The following TMTC2 variants were observed in gnomAD, a reference collection of about 807,000 sequenced individuals.
TMTC2 encodes transmembrane O-mannosyltransferase targeting cadherins 2.
A neutral mutation model predicts 82.4 loss-of-function variants in TMTC2; 43 were observed. The ratio of observed to expected loss-of-function variants is 0.52; its 90% CI spans 0.41 to 0.67. The LOEUF (loss-of-function observed/expected upper bound fraction) is 0.67. Among genes scored for constraint, TMTC2 ranks in the 30% least tolerant of loss-of-function variants. The pLI, the probability that TMTC2 is intolerant of heterozygous loss-of-function variation, is 0.00. For synonymous variants in TMTC2, 408 were observed against 381.9 expected (o/e 1.07, Z -0.80); for missense variants, 919 against 1,012.4 (o/e 0.91, Z 1.25).
intron 3 of TMTC2, among the ~76,000 whole-genome samples, chr12:82,910,552 A>G (rs1874580605): frequency 1.3e-5 from 2 of 152,208 alleles, no homozygotes; most frequent in Admixed American, 1.3e-4. Flanking sequence ...GGATTTCTGT[A>G]TCCCAGGGTT....
chr12:82,986,090 A>G (rs745821730), intron 8 of TMTC2, 44 bp downstream of exon 8: 6 of 1,613,170 alleles, frequency 3.7e-6, no homozygotes, highest in East Asian at 4.5e-5. Context: ...GGTTTTCTCC[A>G]TGCAGACCGG....
chr12:82,729,757 C>G (rs561037105), intron 1 of TMTC2, among the ~76,000 whole-genome samples: 1 of 152,312 alleles, frequency 6.6e-6, no homozygotes, highest in South Asian at 2.1e-4. Flanking sequence ...CCCGCAGGGG[C>G]CGTTTTCCGT....
chr12:83,044,955 A>G (rs1592713790), intron 9 of TMTC2, among the ~76,000 whole-genome samples: 1 of 152,314 alleles, frequency 6.6e-6, no homozygotes, highest in East Asian at 1.9e-4. Context: ...TTACATTTTT[A>G]TGGATTTCTG....
At chr12:82,705,768 G>A (rs966054081) in intron 1 of TMTC2, among the ~76,000 whole-genome samples, 9 of 152,240 alleles carry the variant, frequency 5.9e-5, no homozygotes, top group African/African-American at 1.2e-4. Context: ...ATGCTTAGCC[G>A]TGTTAGGGAT....
chr12:83,103,101 C>T (rs992961415), intron 11 of TMTC2, among the ~76,000 whole-genome samples: 19 of 152,132 alleles, frequency 1.2e-4, no homozygotes, highest in Admixed American at 5.2e-4. Flanking sequence ...GAAAAAAGAA[C>T]AACTGCAAAC....
chr12:82,975,440 A>C (rs976630700), intron 7 of TMTC2, among the ~76,000 whole-genome samples: 1 of 152,212 alleles, frequency 6.6e-6, no homozygotes, highest in Non-Finnish European at 1.5e-5. Flanking sequence ...CCATATTCAA[A>C]TTAAACAAAG....
At chr12:82,935,657 A>G (rs554717495) in intron 4 of TMTC2, among the ~76,000 whole-genome samples, 1 of 152,282 alleles carries the variant, frequency 6.6e-6, no homozygotes, top group East Asian at 1.9e-4. Context: ...GTTCCAAATG[A>G]TATTTAAAAA....
At chr12:83,103,606 G>A (rs779313808) in intron 11 of TMTC2, among the ~76,000 whole-genome samples, 2 of 152,190 alleles carry the variant, frequency 1.3e-5, no homozygotes, top group African/African-American at 4.8e-5. Context: ...CAAACACCTC[G>A]CAACAAGCCC....
intron 7 of TMTC2, among the ~76,000 whole-genome samples, chr12:82,972,009 A>C (rs1354595628): frequency 6.6e-6 from 1 of 152,166 alleles, no homozygotes; most frequent in Non-Finnish European, 1.5e-5. Flanking sequence ...AACCTTGAAA[A>C]TATTTTGTCT....
chr12:82,795,111 C>T (rs928692141), intron 1 of TMTC2, among the ~76,000 whole-genome samples: 12 of 151,804 alleles, frequency 7.9e-5, no homozygotes, highest in African/African-American at 2.7e-4. Flanking sequence ...TCGAGACCAG[C>T]GTGGCCAACA....
chr12:82,988,587 A>C lies in TMTC2; in HGVS notation c.2070+2541A>C, dbSNP rs951305037. Among the ~76,000 whole-genome samples the C allele has an allele frequency of 1.4e-4, 21 of 151,828 alleles. 1 individual carries two copies. Among genetic ancestry groups the C allele is most frequent in the Admixed American group, 3.9e-4 (6 of 15,228 alleles). On this transcript the variant is annotated intron_variant, in intron 8 of 11. Coordinates refer to ENST00000321196, the MANE Select transcript of TMTC2 (RefSeq NM_152588.3). ...CAGTTGAAGGCAGAATGAGGAGGGG[A>C]GTGAAAAGAGGACTGATTGAGGGTC...
intron 1 of TMTC2, among the ~76,000 whole-genome samples, chr12:82,842,147 CTTA>C (rs1870373166): frequency 6.6e-6 from 1 of 152,198 alleles, no homozygotes; most frequent in East Asian, 1.9e-4. Context: ...CTTTCTGCCT[CTTA>C]TTAAGTGTAT....
At chr12:82,906,534 GGGCGCCTCAAACCCGCCTGAGGCA>G (rs1874319760) in intron 3 of TMTC2, among the ~76,000 whole-genome samples, 6 of 151,820 alleles carry the variant, frequency 4.0e-5, no homozygotes, top group Admixed American at 2.6e-4. Context: ...GTTTGGTGGC[GGGCGCCTCAAACCCGCCTGAGGCA>G]GGCGCCTCCT....
At chr12:82,761,892 C>CTCTCTT in intron 1 of TMTC2, among the ~76,000 whole-genome samples, 1 of 151,050 alleles carries the variant, frequency 6.6e-6, no homozygotes, top group Non-Finnish European at 1.5e-5. Flanking sequence ...CTTTCTCTCT[C>CTCTCTT]TTTCTTTCTT....
chr12:82,950,463 C>G (rs767605188), intron 4 of TMTC2, among the ~76,000 whole-genome samples: 3 of 152,096 alleles, frequency 2.0e-5, no homozygotes, highest in Non-Finnish European at 4.4e-5. Flanking sequence ...TCTCCGAATC[C>G]TAGATCCAAC....
At chr12:82,752,787 A>G (rs1273708213) in intron 1 of TMTC2, among the ~76,000 whole-genome samples, 1 of 152,068 alleles carries the variant, frequency 6.6e-6, no homozygotes, top group African/African-American at 2.4e-5. Flanking sequence ...AGTGAACTTC[A>G]TAAATAATCA....
intron 1 of TMTC2, among the ~76,000 whole-genome samples, chr12:82,746,734 C>T (rs1172961968): frequency 1.3e-5 from 2 of 152,164 alleles, no homozygotes; most frequent in African/African-American, 4.8e-5. Context: ...GCAAACCATT[C>T]AGAGAGTTTT....
In TMTC2 at chr12:82,686,969, AGCTGGG is replaced by A. The variant is rs56311034; in HGVS notation, c.-593_-588del. On this transcript the variant is annotated 5_prime_UTR_variant, in exon 1 of 12. Transcript: ENST00000321196. ...CGCTTCTCACTTCACTGGAGAAGGG[AGCTGGG>A]GCTGGGGCTGGGGCTGGGGCTGGGA... 17,636 of 153,302 alleles carry A rather than the reference AGCTGGG, an allele frequency of 0.12. 1,272 individuals are homozygous for A. Among genetic ancestry groups the A allele is most frequent in the Non-Finnish European group, 0.17 (11,426 of 68,692 alleles). The allele number at this position is 153,302 out of a possible 1,614,324, so 9.5% of individuals were successfully genotyped here.
chr12:82,792,147 T>A (rs1878500859), intron 1 of TMTC2, among the ~76,000 whole-genome samples: 1 of 152,116 alleles, frequency 6.6e-6, no homozygotes, highest in Non-Finnish European at 1.5e-5. Context: ...GTGTCCACTT[T>A]TGCTTGGCTT....
Sources: gnomAD v4.1 joint callset for allele counts (sites outside exome capture counted in the v4.1 genomes callset) on GRCh38, gnomAD v4.1.1 for gene constraint, MANE v1.5 for transcripts, NCBI Gene and HGNC (gene_info 2026-07-23, HGNC 2026-07-21) for gene names.